RASAL2: variants seen among roughly 807,000 people sequenced by gnomAD.
RASAL2 encodes RAS protein activator like 2.
A neutral mutation model predicts 128.9 loss-of-function variants in RASAL2; 58 were observed. The ratio of observed to expected loss-of-function variants is 0.45; its 90% CI spans 0.36 to 0.56. The LOEUF (loss-of-function observed/expected upper bound fraction) is 0.56. RASAL2 is among the 20% of genes least tolerant of loss of function. The pLI is 0.00. For missense variants in RASAL2, 1,360 were observed against 1,601.6 expected (o/e 0.85, Z 2.57); for synonymous variants, 561 against 580.8 (o/e 0.97, Z 0.49).
At chr1:178,293,874 G>C (rs146303253) in intron 2 of RASAL2, among the ~76,000 whole-genome samples, 40 of 152,272 alleles carry the variant, frequency 2.6e-4, no homozygotes, top group African/African-American at 5.8e-4. Flanking sequence ...TTCCCTTAGG[G>C]GACTGATAGA....
At chr1:178,236,307 G>A (rs1421552135) in intron 1 of RASAL2, among the ~76,000 whole-genome samples, 1 of 152,114 alleles carries the variant, frequency 6.6e-6, no homozygotes, top group Non-Finnish European at 1.5e-5. Flanking sequence ...TACTATGATG[G>A]TCCTCGTAGA....
intron 5 of RASAL2, among the ~76,000 whole-genome samples, chr1:178,430,350 A>G (rs1323347017): frequency 6.6e-6 from 1 of 152,122 alleles, no homozygotes; most frequent in African/African-American, 2.4e-5. Flanking sequence ...ATGAACTAAA[A>G]CCCAATTGAA....
At chr1:178,216,313 T>A (rs1387171175) in intron 1 of RASAL2, among the ~76,000 whole-genome samples, 1 of 152,250 alleles carries the variant, frequency 6.6e-6, no homozygotes, top group Non-Finnish European at 1.5e-5. Context: ...CAGTGTTTTA[T>A]AATGAGACTG....
chr1:178,094,275 G>A lies in RASAL2; in HGVS notation c.-218G>A, dbSNP rs930070846. On this transcript the variant is annotated 5_prime_UTR_variant, in exon 1 of 18. Coordinates refer to ENST00000367649, the MANE Select transcript of RASAL2 (RefSeq NM_170692.4). ...CGGGGCCACGCTGGATCCTCCTCCC[G>A]GCCTGGGTCCCGCCCGCCGACTGCA... 1 of 539,252 alleles carries A rather than the reference G, an allele frequency of 1.9e-6. No individual in the cohort carries two copies. The highest frequency in any genetic ancestry group is 3.2e-6 in the Non-Finnish European group (1 of 311,786). The allele number at this position is 539,252 out of a possible 1,614,324, so 33.4% of individuals were successfully genotyped here.
chr1:178,429,158 A>G (rs984962847), intron 5 of RASAL2, among the ~76,000 whole-genome samples: 9 of 152,086 alleles, frequency 5.9e-5, no homozygotes, highest in African/African-American at 2.2e-4. Context: ...CTTTCTAGAA[A>G]GGAGTTCTTG....
chr1:178,123,363 A>G (rs563135555), intron 1 of RASAL2, among the ~76,000 whole-genome samples: 26 of 152,340 alleles, frequency 1.7e-4, no homozygotes, highest in African/African-American at 6.0e-4. Flanking sequence ...AAGCTAACAC[A>G]TAATTATAGC....
intron 3 of RASAL2, among the ~76,000 whole-genome samples, chr1:178,378,043 GA>G (rs1011522666): frequency 3.3e-5 from 5 of 150,044 alleles, no homozygotes; most frequent in African/African-American, 4.9e-5. Context: ...AAAAAATGGG[GA>G]AAAAAATAGA....
chr1:178,217,582 G>A (rs1341987007), intron 1 of RASAL2, among the ~76,000 whole-genome samples: 1 of 152,162 alleles, frequency 6.6e-6, no homozygotes, highest in Non-Finnish European at 1.5e-5. Flanking sequence ...TCAATAAAGT[G>A]AGTCACATGA....
intron 3 of RASAL2, among the ~76,000 whole-genome samples, chr1:178,355,785 A>G (rs1670771241): frequency 1.3e-5 from 2 of 152,254 alleles, no homozygotes. Context: ...AAATGGGCAG[A>G]GACTTAATAG....
chr1:178,448,336 G>A (rs1214741734), intron 9 of RASAL2, among the ~76,000 whole-genome samples: 1 of 152,174 alleles, frequency 6.6e-6, no homozygotes, highest in Non-Finnish European at 1.5e-5. Flanking sequence ...ACTAGTGATG[G>A]CTCACACTGG....
intron 4 of RASAL2, among the ~76,000 whole-genome samples, chr1:178,396,236 A>G (rs771449016): frequency 6.6e-6 from 1 of 152,128 alleles, no homozygotes; most frequent in Non-Finnish European, 1.5e-5. Context: ...GGAGATTCCA[A>G]CTTACCCTAA....
intron 1 of RASAL2, among the ~76,000 whole-genome samples, chr1:178,096,099 C>T (rs983756722): frequency 6.6e-6 from 1 of 152,172 alleles, no homozygotes; most frequent in Non-Finnish European, 1.5e-5. Context: ...ACTTTGGTGC[C>T]TGATTTTCCG....
intron 1 of RASAL2, among the ~76,000 whole-genome samples, chr1:178,095,526 A>G (rs530894139): frequency 1.3e-5 from 2 of 152,344 alleles, no homozygotes; most frequent in Admixed American, 1.3e-4. Flanking sequence ...TGACTGCAGA[A>G]GACATTAGTA....
chr1:178,372,175 A>G (rs1408058675), intron 3 of RASAL2: 1 of 985,274 alleles, frequency 1.0e-6, no homozygotes, highest in African/African-American at 1.7e-5. Context: ...TAGTCTCTGT[A>G]TCCTTTTTTT....
At chr1:178,360,727 A>C (rs1459625120) in intron 3 of RASAL2, among the ~76,000 whole-genome samples, 1 of 152,218 alleles carries the variant, frequency 6.6e-6, no homozygotes, top group Non-Finnish European at 1.5e-5. Context: ...TCTGGAAGTT[A>C]GAAGGTGTCA....
At chr1:178,418,610 A>T (rs943331356) in intron 4 of RASAL2, among the ~76,000 whole-genome samples, 1 of 152,218 alleles carries the variant, frequency 6.6e-6, no homozygotes, top group African/African-American at 2.4e-5. Context: ...CTTTGATTTG[A>T]GTAAGTTTGT....
At chr1:178,214,194 TAGG>T (rs1663348729) in intron 1 of RASAL2, among the ~76,000 whole-genome samples, 1 of 152,120 alleles carries the variant, frequency 6.6e-6, no homozygotes, top group Non-Finnish European at 1.5e-5. Context: ...CACTTGAGTC[TAGG>T]AGTTCAAGGC....
chr1:178,099,435 TTTTC>T (rs2102216422), intron 1 of RASAL2, among the ~76,000 whole-genome samples: 1 of 152,338 alleles, frequency 6.6e-6, no homozygotes, highest in East Asian at 1.9e-4. Context: ...TAGCCCCCTT[TTTTC>T]TTCTTTTGAG....
intron 1 of RASAL2, among the ~76,000 whole-genome samples, chr1:178,130,917 G>A (rs1299762721): frequency 4.6e-5 from 7 of 152,002 alleles, no homozygotes; most frequent in South Asian, 2.1e-4. Flanking sequence ...AGCCGGGCGC[G>A]GTGGTGGGTG....
Sources: gnomAD v4.1 joint callset for allele counts (sites outside exome capture counted in the v4.1 genomes callset) on GRCh38, gnomAD v4.1.1 for gene constraint, MANE v1.5 for transcripts, NCBI Gene and HGNC (gene_info 2026-07-23, HGNC 2026-07-21) for gene names.